The following LRRIQ3 variants were observed in gnomAD, a reference collection of about 807,000 sequenced individuals.
LRRIQ3 encodes leucine-rich repeat and IQ domain-containing protein 3.
A neutral mutation model predicts 59.3 loss-of-function variants in LRRIQ3; 75 were observed. The observed-to-expected ratio is 1.26, with a 90% CI of 1.05 to 1.53. LRRIQ3 has a LOEUF of 1.53. LRRIQ3 is among the 40% of genes most tolerant of loss of function. The pLI is 0.00. For missense variants in LRRIQ3, 831 were observed against 710.0 expected, an observed-to-expected ratio of 1.17 and a Z score of -1.94; for synonymous variants, 250 against 231.3, an observed-to-expected ratio of 1.08 and a Z score of -0.73.
At chr1:74,120,183 T>C (rs1407089700) in intron 4 of LRRIQ3, among the ~76,000 whole-genome samples, 1 of 151,852 alleles carries the variant, frequency 6.6e-6, no homozygotes, top group Non-Finnish European at 1.5e-5. Flanking sequence ...AGTGGCGTGA[T>C]CTCGGCTCAC....
At chr1:74,067,341 A>G (rs754395894) in intron 6 of LRRIQ3, among the ~76,000 whole-genome samples, 44 of 152,252 alleles carry the variant, frequency 2.9e-4, no homozygotes, top group Middle Eastern at 3.4e-3. Context: ...ACCTTAAGGT[A>G]CAGGTGGTTC....
intron 6 of LRRIQ3, among the ~76,000 whole-genome samples, chr1:74,063,119 C>A (rs1322094589): frequency 6.6e-6 from 1 of 150,494 alleles, no homozygotes; most frequent in Non-Finnish European, 1.5e-5. Context: ...AACCCCAAAA[C>A]CAAACAACAA....
chr1:74,091,221 T>C (rs990761128), intron 5 of LRRIQ3, among the ~76,000 whole-genome samples: 2 of 152,128 alleles, frequency 1.3e-5, no homozygotes, highest in Non-Finnish European at 2.9e-5. Flanking sequence ...TAAATTAAAA[T>C]GATACCTGAA....
chr1:74,189,439 T>TGCCTC (rs1650614684), intron 1 of LRRIQ3, among the ~76,000 whole-genome samples: 2 of 152,138 alleles, frequency 1.3e-5, no homozygotes, highest in Admixed American at 6.6e-5. Context: ...ATGTATGCTG[T>TGCCTC]GCCTCAGTTT....
At chr1:74,134,041 T>C (rs1379362246) in intron 4 of LRRIQ3, among the ~76,000 whole-genome samples, 1 of 151,980 alleles carries the variant, frequency 6.6e-6, no homozygotes, top group East Asian at 1.9e-4. Flanking sequence ...CCAGGAAATT[T>C]TGACATTTTT....
At position 74,182,586 on chromosome 1, in the gene LRRIQ3, T is replaced by G; in HGVS notation, c.525A>C (p.Lys175Asn). ...IQNWHLPERFKACNHRLFFNF... is the reference protein window; with the variant it reads ...IQNWHLPERFNACNHRLFFNF... ...TAAAGAAAAGTCGATGGTTACATGC[T>G]TTGAATCTTTCAGGAAGATGCCAGT... The change falls in exon 3 of 8, where the codon AAA becomes AAC. Residue 175 changes from lysine (K) to asparagine (N), a missense_variant. Coordinates refer to ENST00000354431, the MANE Select transcript of LRRIQ3 (RefSeq NM_001105659.2). 6.2e-7 allele frequency: 1 copy of G among 1,604,158 alleles called. No individual in the cohort carries two copies. Among genetic ancestry groups the G allele is most frequent in the South Asian group, 1.1e-5 (1 of 89,508 alleles).
chr1:74,128,213 C>A (rs941783565), intron 4 of LRRIQ3, among the ~76,000 whole-genome samples: 2 of 151,938 alleles, frequency 1.3e-5, no homozygotes, highest in African/African-American at 2.4e-5. Flanking sequence ...TGGGTTAAAT[C>A]TCTTTGGTGT....
intron 3 of LRRIQ3, among the ~76,000 whole-genome samples, chr1:74,158,601 G>A (rs747844290): frequency 2.6e-5 from 4 of 151,940 alleles, no homozygotes; most frequent in Admixed American, 6.6e-5. Flanking sequence ...ATCCTGTGTC[G>A]TGTGAAATAA....
chr1:74,033,765 T>A (rs1328157626), intron 7 of LRRIQ3, among the ~76,000 whole-genome samples: 1 of 151,916 alleles, frequency 6.6e-6, no homozygotes, highest in Non-Finnish European at 1.5e-5. Context: ...TAAATGAAGA[T>A]GGTAGTATGG....
At chr1:74,036,800 G>A (rs1162142829) in intron 7 of LRRIQ3, among the ~76,000 whole-genome samples, 1 of 152,142 alleles carries the variant, frequency 6.6e-6, no homozygotes, top group Non-Finnish European at 1.5e-5. Flanking sequence ...GTACTACTTA[G>A]TAGAAGCACC....
At chr1:74,058,616 A>T (rs963932666) in intron 6 of LRRIQ3, among the ~76,000 whole-genome samples, 7 of 152,046 alleles carry the variant, frequency 4.6e-5, no homozygotes, top group African/African-American at 1.7e-4. Flanking sequence ...ATACACAAAT[A>T]GATAGGAGGA....
chr1:74,172,858 T>C (rs1019853894), intron 3 of LRRIQ3, among the ~76,000 whole-genome samples: 1 of 152,218 alleles, frequency 6.6e-6, no homozygotes, highest in African/African-American at 2.4e-5. Context: ...TAAAGCCTAC[T>C]TTTTTAATAA....
chr1:74,066,297 GC>G (rs950934695), intron 6 of LRRIQ3, among the ~76,000 whole-genome samples: 1 of 151,346 alleles, frequency 6.6e-6, no homozygotes, highest in African/African-American at 2.4e-5. Context: ...AATCAAGATA[GC>G]CTGTATATTA....
chr1:74,101,465 G>A (rs146227526), intron 5 of LRRIQ3, among the ~76,000 whole-genome samples: 8 of 152,068 alleles, frequency 5.3e-5, no homozygotes, highest in South Asian at 2.1e-4. Flanking sequence ...TTGATGGGAC[G>A]GTAAACCAGT....
Position 74,198,141 on chromosome 1 carries a change from T to C in LRRIQ3, c.-146A>G, listed in dbSNP as rs1570304734. 1 of 1,481,664 alleles carries C rather than the reference T, an allele frequency of 6.7e-7. No homozygotes were observed. The highest frequency in any genetic ancestry group is 1.4e-5 in the African/African-American group (1 of 71,522). 91.8% of individuals were successfully genotyped at this position (1,481,664 alleles called of 1,614,324 possible). On this transcript the variant is annotated 5_prime_UTR_variant, in exon 1 of 8. Coordinates refer to ENST00000354431, the MANE Select transcript of LRRIQ3 (RefSeq NM_001105659.2). ...ATCCAAGTTCTCCACATCATGGTTT[T>C]CCGGGCGCCAGCCAAGGCGCTCCGG...
chr1:74,046,302 C>T (rs1044962764), intron 6 of LRRIQ3, among the ~76,000 whole-genome samples: 5 of 152,126 alleles, frequency 3.3e-5, no homozygotes, highest in Non-Finnish European at 7.4e-5. Flanking sequence ...GAAATCATGC[C>T]ACATATCTAC....
intron 7 of LRRIQ3, among the ~76,000 whole-genome samples, chr1:74,034,633 C>A: frequency 1.8e-5 from 1 of 55,218 alleles, no homozygotes; most frequent in South Asian, 8.9e-4. Context: ...AAAGCACACA[C>A]AGACACACAC....
chr1:74,030,316 C>T (rs185839268), intron 7 of LRRIQ3, among the ~76,000 whole-genome samples: 36 of 152,116 alleles, frequency 2.4e-4, no homozygotes, highest in African/African-American at 8.2e-4. Context: ...AATCCTAAGC[C>T]AAAAGAACAA....
rs780459242 is a variant in LRRIQ3 at position 74,183,608 on chromosome 1, CCTTCT to C, written c.72_76del (p.Glu25SerfsTer27). ...CTTCACAAAAACAAAATCTTTTTGA[CCTTCT>C]CTTATGTTTTCATTATAGTGACTCC... On this transcript the variant is annotated frameshift_variant, in exon 2 of 8. Coordinates refer to ENST00000354431, the MANE Select transcript of LRRIQ3 (RefSeq NM_001105659.2). LOFTEE classifies it high-confidence loss of function. 33 of 1,611,838 alleles carry C rather than the reference CCTTCT, an allele frequency of 2.0e-5. No homozygotes were observed. The African/African-American group carries it at 4.1e-4, about 20-fold the overall frequency.
Sources: gnomAD v4.1 joint callset for allele counts (sites outside exome capture counted in the v4.1 genomes callset) on GRCh38, gnomAD v4.1.1 for gene constraint, MANE v1.5 for transcripts, NCBI Gene and HGNC (gene_info 2026-07-23, HGNC 2026-07-21) for gene names.